Variants in LOC128125817 observed in about 807,000 individuals in gnomAD.
At chr1:41,617,017 C>T in the LOC128125817 span, among the ~76,000 whole-genome samples, 234 of 152,198 alleles carry the variant, frequency 1.5e-3, no homozygotes, top group African/African-American at 5.2e-3. Flanking sequence ...TGGTGGGATC[C>T]GGATTTGAAC....
At chr1:41,591,968 C>T in the LOC128125817 span, among the ~76,000 whole-genome samples, 2 of 152,094 alleles carry the variant, frequency 1.3e-5, no homozygotes, top group African/African-American at 2.4e-5. Context: ...GAGGTCAATT[C>T]CTCCTGAAGA....
At chr1:41,608,306 G>A in the LOC128125817 span, among the ~76,000 whole-genome samples, 2 of 152,172 alleles carry the variant, frequency 1.3e-5, no homozygotes, top group Non-Finnish European at 2.9e-5. Flanking sequence ...TCTCCATGGT[G>A]GGCATAATGC....
chr1:41,627,880 ATCCCTCCC>A, the LOC128125817 span, among the ~76,000 whole-genome samples: 139 of 150,460 alleles, frequency 9.2e-4, no homozygotes, highest in Non-Finnish European at 1.1e-3. Flanking sequence ...CCCTCCGTCC[ATCCCTCCC>A]TCCCTCCCTT....
the LOC128125817 span, among the ~76,000 whole-genome samples, chr1:41,613,070 TG>T: frequency 2.0e-5 from 3 of 152,196 alleles, no homozygotes; most frequent in South Asian, 6.2e-4. Context: ...CAGGGAGCAG[TG>T]GAGGACAGCC....
the LOC128125817 span, among the ~76,000 whole-genome samples, chr1:41,626,785 C>G: frequency 4.2e-4 from 64 of 152,230 alleles, 1 homozygote; most frequent in South Asian, 0.013. Flanking sequence ...ACAGCATGAT[C>G]GATTCCTATG....
chr1:41,604,601 T>C, the LOC128125817 span, among the ~76,000 whole-genome samples: 1 of 152,154 alleles, frequency 6.6e-6, no homozygotes, highest in Non-Finnish European at 1.5e-5. Context: ...CCTCTCACCA[T>C]GTAAGAATGC....
the LOC128125817 span, among the ~76,000 whole-genome samples, chr1:41,607,582 A>G: frequency 6.6e-6 from 1 of 152,122 alleles, no homozygotes; most frequent in Non-Finnish European, 1.5e-5. Flanking sequence ...TTCCTTTGAA[A>G]TAAGCTCTTC....
the LOC128125817 span, among the ~76,000 whole-genome samples, chr1:41,590,477 G>A: frequency 3.3e-5 from 5 of 152,322 alleles, no homozygotes; most frequent in Admixed American, 1.3e-4. Context: ...TTGTCAGGAA[G>A]GAACATGGAT....
At chr1:41,599,191 T>A in the LOC128125817 span, among the ~76,000 whole-genome samples, 1 of 152,200 alleles carries the variant, frequency 6.6e-6, no homozygotes, top group Admixed American at 6.5e-5. Context: ...GCGCTAAAGC[T>A]ATTGGATATC....
the LOC128125817 span, among the ~76,000 whole-genome samples, chr1:41,591,748 C>T: frequency 3.9e-5 from 6 of 151,972 alleles, no homozygotes; most frequent in Admixed American, 2.0e-4. Flanking sequence ...TTGTCAGTGT[C>T]CTGAATTCTA....
the LOC128125817 span, among the ~76,000 whole-genome samples, chr1:41,592,952 C>T: frequency 6.6e-6 from 1 of 152,116 alleles, no homozygotes; most frequent in Non-Finnish European, 1.5e-5. Context: ...ACCTGCTGAC[C>T]CTCTCTTGGG....
At chr1:41,586,769 T>C in the LOC128125817 span, among the ~76,000 whole-genome samples, 8 of 152,202 alleles carry the variant, frequency 5.3e-5, no homozygotes, top group Non-Finnish European at 1.2e-4. Context: ...ATCTTTTAGC[T>C]AAAAAGCATA....
the LOC128125817 span, among the ~76,000 whole-genome samples, chr1:41,597,799 A>G: frequency 2.0e-5 from 3 of 152,184 alleles, no homozygotes; most frequent in African/African-American, 7.2e-5. Flanking sequence ...CTCCTGGAAA[A>G]GTATCGACAG....
the LOC128125817 span, among the ~76,000 whole-genome samples, chr1:41,601,152 T>C: frequency 1.3e-5 from 2 of 152,174 alleles, no homozygotes; most frequent in Non-Finnish European, 2.9e-5. Flanking sequence ...TTTTGATTAG[T>C]GTAATTTTTT....
At chr1:41,613,151 A>G in the LOC128125817 span, among the ~76,000 whole-genome samples, 1 of 152,194 alleles carries the variant, frequency 6.6e-6, no homozygotes, top group Non-Finnish European at 1.5e-5. Flanking sequence ...CATTCCCAAG[A>G]GCTCCAAACC....
chr1:41,612,009 C>T, the LOC128125817 span, among the ~76,000 whole-genome samples: 2 of 152,152 alleles, frequency 1.3e-5, no homozygotes, highest in Non-Finnish European at 2.9e-5. Context: ...AACCTCACCT[C>T]ACCTTCCTGC....
At chr1:41,608,287 A>G in the LOC128125817 span, among the ~76,000 whole-genome samples, 4 of 152,128 alleles carry the variant, frequency 2.6e-5, no homozygotes, top group African/African-American at 9.7e-5. Context: ...TTGCCAAAAG[A>G]AGGACTTTTC....
At chr1:41,601,533 T>G in the LOC128125817 span, among the ~76,000 whole-genome samples, 1 of 152,162 alleles carries the variant, frequency 6.6e-6, no homozygotes, top group Non-Finnish European at 1.5e-5. Flanking sequence ...ATTTTTCTAA[T>G]TTTCTTTTCA....
the LOC128125817 span, among the ~76,000 whole-genome samples, chr1:41,625,752 A>G: frequency 5.3e-5 from 8 of 152,104 alleles, no homozygotes; most frequent in Non-Finnish European, 7.3e-5. Flanking sequence ...TAAATAAATA[A>G]AGTCTTTTGC....
Sources: gnomAD v4.1 joint callset for allele counts (sites outside exome capture counted in the v4.1 genomes callset) on GRCh38, gnomAD v4.1.1 for gene constraint, MANE v1.5 for transcripts.